FAM171A2: variants seen among roughly 807,000 people sequenced by gnomAD.
The protein encoded by FAM171A2 is family with sequence similarity 171 member A2.
A neutral mutation model predicts 34.2 loss-of-function variants in FAM171A2; 13 were observed. The observed-to-expected ratio is 0.38, with a 90% CI of 0.25 to 0.60. The LOEUF (loss-of-function observed/expected upper bound fraction) is 0.60. Ranked by LOEUF, FAM171A2 falls within the 20% of genes least tolerant of loss-of-function variation. The pLI is 0.62. For synonymous variants in FAM171A2, 475 were observed against 561.2 expected (o/e 0.85, Z 2.17); for missense variants, 950 against 1,180.7 (o/e 0.80, Z 2.86).
At position 44,363,851 on chromosome 17, in the gene FAM171A2, G is replaced by T. The variant is rs2048458813; in HGVS notation, c.-137C>A. On this transcript the variant is annotated 5_prime_UTR_variant, in exon 1 of 8. Transcript: ENST00000293443. ...GCTGCGGCGCCCGCTCAGCGCGATTGTCTCCGACCGGAGCCGCCGCAAGCG... is the reference window on the plus strand; with the variant it reads ...GCTGCGGCGCCCGCTCAGCGCGATTTTCTCCGACCGGAGCCGCCGCAAGCG... 1 of 321,774 alleles carries T rather than the reference G, an allele frequency of 3.1e-6. No individual in the cohort carries two copies. Among genetic ancestry groups the T allele is most frequent in the African/African-American group, 2.2e-5 (1 of 45,270 alleles). 19.9% of individuals were successfully genotyped at this position (321,774 alleles called of 1,614,324 possible).
chr17:44,363,806 C>T lies in FAM171A2; in HGVS notation c.-92G>A. ...AGCCCCAGCTCTGCGCCGCGCCTCG[C>T]AGCTCCGGCTCCCGCTCCCGCTGCG... On this transcript the variant is annotated 5_prime_UTR_variant, in exon 1 of 8. Coordinates refer to ENST00000293443, the MANE Select transcript of FAM171A2 (RefSeq NM_198475.3). 1 of 522,742 alleles carries T rather than the reference C, an allele frequency of 1.9e-6. No individual in the cohort carries two copies. The highest frequency in any genetic ancestry group is 2.8e-6 in the Non-Finnish European group (1 of 363,042). 32.4% of individuals were successfully genotyped at this position (522,742 alleles called of 1,614,324 possible).
At chr17:44,362,540 A>G (rs2048452102) in intron 1 of FAM171A2, among the ~76,000 whole-genome samples, 1 of 152,064 alleles carries the variant, frequency 6.6e-6, no homozygotes, top group Non-Finnish European at 1.5e-5. Flanking sequence ...TCAGGCAGGG[A>G]TGGGGCCCAC....
rs1253594012 is a variant in FAM171A2 at position 44,353,808 on chromosome 17, G to A, written c.2406C>T (p.Gly802=). ...GGCTCTTCTTGTCTCCCGCCTCGTC[G>A]CCCACCTCCGCCCCCAGCTCGTCCT... ...SPEDELGAEV[G]DEAGDKKSPW... is the part of the protein sequence containing the mutation. The change falls in exon 8 of 8, where the codon GGC becomes GGT. Residue 802 remains glycine (G), a synonymous_variant. Coordinates refer to ENST00000293443, the MANE Select transcript of FAM171A2 (RefSeq NM_198475.3). 4 of 1,425,630 alleles carry A rather than the reference G, an allele frequency of 2.8e-6. No individual in the cohort carries two copies. The Admixed American group carries it at 8.2e-5, about 29-fold the overall frequency. The allele number at this position is 1,425,630 out of a possible 1,614,324, so 88.3% of individuals were successfully genotyped here. A position where few individuals can be genotyped will look rare whatever the true frequency, so the allele number is the denominator to read the frequency against.
At chr17:44,360,316 G>A (rs1350196560) in intron 1 of FAM171A2, among the ~76,000 whole-genome samples, 184 bp from the exon 2 acceptor site, 1 of 152,240 alleles carries the variant, frequency 6.6e-6, no homozygotes, top group African/African-American at 2.4e-5. Flanking sequence ...GCCCATGCCG[G>A]AGGTGGGACT....
chr17:44,357,910 A>G (rs2048432104), intron 3 of FAM171A2, among the ~76,000 whole-genome samples: 1 of 152,204 alleles, frequency 6.6e-6, no homozygotes, highest in Non-Finnish European at 1.5e-5. Flanking sequence ...CTAGGTATCT[A>G]TTATCAACCT....
rs552284131 is a variant in FAM171A2 at position 44,363,119 on chromosome 17, TC to T, written c.118+477del. ...GCCTCACCCACTCCCCCTTCTCCCC[TC>T]CCCCCTTCAAACCCAGCTCCAGGCT... On this transcript the variant is annotated intron_variant, in intron 1 of 7. Coordinates refer to ENST00000293443, the MANE Select transcript of FAM171A2 (RefSeq NM_198475.3). Among the ~76,000 whole-genome samples, 125 of 136,450 alleles carry T rather than the reference TC, an allele frequency of 9.2e-4. 2 individuals are homozygous for T. The East Asian group carries it at 0.019, about 21-fold the overall frequency. 89.5% of individuals were successfully genotyped at this position (136,450 alleles called of 152,430 possible).
chr17:44,355,025 G>A lies in FAM171A2; in HGVS notation c.1189C>T (p.Pro397Ser), dbSNP rs1598368137. 1 of 1,530,880 alleles carries A rather than the reference G, an allele frequency of 6.5e-7. No homozygotes were observed. The highest frequency in any genetic ancestry group is 8.8e-7 in the Non-Finnish European group (1 of 1,138,446). 94.8% of individuals were successfully genotyped at this position (1,530,880 alleles called of 1,614,324 possible). A position where few individuals can be genotyped will look rare whatever the true frequency, so the allele number is the denominator to read the frequency against. Residue 397 changes from proline to serine, a missense_variant, in exon 8 of 8, where the codon CCC becomes TCC. By Grantham distance (74) the Pro-to-Ser change is moderately conservative. Coordinates refer to ENST00000293443, the MANE Select transcript of FAM171A2 (RefSeq NM_198475.3). This position sits in a 1 kb window ranked among gnomAD's most constrained non-coding sequence, Gnocchi z 4.1. Reference protein sequence around the residue: ...SGDPEAPPPGPLHSAFSSSRD... With the variant: ...SGDPEAPPPGSLHSAFSSSRD... ...GAGCTGGAGAAGGCCGAGTGGAGGG[G>A]GCCTGGAGGCGGAGCCTCGGGGTCC...
Position 44,359,922 on chromosome 17 carries a change from C to T in FAM171A2, c.329G>A (p.Arg110His), listed in dbSNP as rs751942686. ...GCACTCACAGGGCAGCTTGTCAACA[C>T]GCCAGGGCACAGAGTTGGTGAGGAA... ...PGFLTNSVPWRVDKLPLYASV... is the reference protein window; with the variant it reads ...PGFLTNSVPWHVDKLPLYASV... The change falls in exon 2 of 8, where the codon CGT becomes CAT. Residue 110 changes from arginine to histidine, a missense_variant. Arg to His is a conservative substitution (Grantham distance 29). Coordinates refer to ENST00000293443, the MANE Select transcript of FAM171A2 (RefSeq NM_198475.3). 305 of 1,543,234 alleles carry T rather than the reference C, an allele frequency of 2.0e-4. No individual in the cohort carries two copies. Among genetic ancestry groups the T allele is most frequent in the Non-Finnish European group, 2.4e-4 (278 of 1,142,166 alleles).
Position 44,353,665 on chromosome 17 carries a change from G to T in FAM171A2, c.*68C>A. On this transcript the variant is annotated 3_prime_UTR_variant, in exon 8 of 8. Transcript: ENST00000293443. Reference sequence around the variant, plus strand: ...GGAGCTACGCGCGAGGGCCCCCGCGGGCCCCCGGGGCGCGCACCCTGGGTG... The same window carrying T: ...GGAGCTACGCGCGAGGGCCCCCGCGTGCCCCCGGGGCGCGCACCCTGGGTG... The T allele has an allele frequency of 1.7e-6, 2 of 1,161,344 alleles. No homozygotes were observed. Among genetic ancestry groups the T allele is most frequent in the Non-Finnish European group, 2.1e-6 (2 of 937,190 alleles). The allele number at this position is 1,161,344 out of a possible 1,614,324, so 71.9% of individuals were successfully genotyped here.
chr17:44,358,852 G>A (rs35941271), intron 3 of FAM171A2: 12,687 of 152,316 alleles, frequency 0.083, 664 homozygotes, highest in South Asian at 0.14. Context: ...TCCACCTGAT[G>A]TCTCCCCCTG....
Position 44,356,233 on chromosome 17 carries a change from CGGAG to C in FAM171A2, c.714_717del (p.Ser239ArgfsTer30), listed in dbSNP as rs2048422883. The C allele has an allele frequency of 6.4e-7, 1 of 1,551,386 alleles. No homozygotes were observed. Among genetic ancestry groups the C allele is most frequent in the Non-Finnish European group, 8.7e-7 (1 of 1,146,912 alleles). ...GTGCCCACGGTGAGGGCACGAGTCT[CGGAG>C]GGCACGGGCAGGGACAGGTGAATGG... On this transcript the variant is annotated frameshift_variant, in exon 5 of 8. Coordinates refer to ENST00000293443, the MANE Select transcript of FAM171A2 (RefSeq NM_198475.3). LOFTEE classifies it high-confidence loss of function.
At position 44,363,758 on chromosome 17, in the gene FAM171A2, G is replaced by T; in HGVS notation, c.-44C>A. 1 of 976,984 alleles carries T rather than the reference G, an allele frequency of 1.0e-6. No individual in the cohort carries two copies. Among genetic ancestry groups the T allele is most frequent in the Non-Finnish European group, 1.3e-6 (1 of 766,944 alleles). 60.5% of individuals were successfully genotyped at this position (976,984 alleles called of 1,614,324 possible). ...CCTAGCGGTCCATGGCTCCCGCCTG[G>T]TCCCGCTCGCCCGGCCCCGCGCAGC... On this transcript the variant is annotated 5_prime_UTR_variant, in exon 1 of 8. Transcript: ENST00000293443.
chr17:44,363,761 C>T lies in FAM171A2; in HGVS notation c.-47G>A. On this transcript the variant is annotated 5_prime_UTR_variant, in exon 1 of 8. Transcript: ENST00000293443. The stretch of plus-strand genomic sequence containing the variant: ...AGCGGTCCATGGCTCCCGCCTGGTC[C>T]CGCTCGCCCGGCCCCGCGCAGCCCC... 1 of 935,366 alleles carries T rather than the reference C, an allele frequency of 1.1e-6. No homozygotes were observed. The highest frequency in any genetic ancestry group is 1.4e-6 in the Non-Finnish European group (1 of 729,768). The allele number at this position is 935,366 out of a possible 1,614,324, so 57.9% of individuals were successfully genotyped here.
chr17:44,359,041 T>C (rs988067017), intron 3 of FAM171A2: 1 of 155,184 alleles, frequency 6.4e-6, no homozygotes, highest in South Asian at 2.0e-4. Context: ...TTTCAGGGCT[T>C]GCAATGATCT....
intron 1 of FAM171A2, among the ~76,000 whole-genome samples, chr17:44,360,502 A>G (rs537492964): frequency 1.3e-5 from 2 of 152,208 alleles, no homozygotes; most frequent in African/African-American, 4.8e-5. Flanking sequence ...ATTTGATAAT[A>G]TATGCTCTTA....
At chr17:44,363,556 GCGCAGGCCCGCGAT>G (rs1301922105) in intron 1 of FAM171A2, 27 bp downstream of exon 1, 2 of 1,010,666 alleles carry the variant, frequency 2.0e-6, no homozygotes, top group African/African-American at 3.3e-5. Context: ...TGATCAGGGG[GCGCAGGCCCGCGAT>G]CGCGGCCCCT....
At chr17:44,358,089 T>C (rs930642319) in intron 3 of FAM171A2, among the ~76,000 whole-genome samples, 3 of 152,156 alleles carry the variant, frequency 2.0e-5, no homozygotes, top group African/African-American at 4.8e-5. Flanking sequence ...CTAGGGGAGC[T>C]GGTCTCACTC....
chr17:44,353,547 T>G lies in FAM171A2; in HGVS notation c.*186A>C. 2.9e-6 allele frequency: 1 copy of G among 342,536 alleles called. No individual in the cohort carries two copies. Among genetic ancestry groups the G allele is most frequent in the African/African-American group, 2.2e-5 (1 of 45,430 alleles). The allele number at this position is 342,536 out of a possible 1,614,324, so 21.2% of individuals were successfully genotyped here. On this transcript the variant is annotated 3_prime_UTR_variant, in exon 8 of 8. Transcript: ENST00000293443. ...TCTGGACCCCCCCTCCTCCCCGGCT[T>G]GGAGGCAGACACAGGGTCCCTTGCA...
chr17:44,359,328 A>C, intron 3 of FAM171A2: 1 of 512,010 alleles, frequency 2.0e-6, no homozygotes, highest in Non-Finnish European at 3.5e-6. Context: ...GAGAATAGAA[A>C]CCACGAGAAG....
Sources: allele counts gnomAD v4.1 joint callset (sites outside exome capture counted in the v4.1 genomes callset), GRCh38; gene constraint gnomAD v4.1.1; non-coding constraint Gnocchi (gnomAD v3.1); transcripts MANE v1.5; gene names NCBI Gene and HGNC (gene_info 2026-07-23, HGNC 2026-07-21).